Variants in PCDH15 observed in about 807,000 individuals in gnomAD.
PCDH15 encodes the protein protocadherin-15.
In PCDH15, 129 loss-of-function variants were observed where a neutral mutation model predicts 178.5. The observed-to-expected ratio is 0.72, with a 90% confidence interval of 0.63 to 0.84. The LOEUF (loss-of-function observed/expected upper bound fraction) is 0.84, where lower values mean the gene tolerates loss of function less well. PCDH15 is among the 40% of genes least tolerant of loss of function. The pLI, the probability that PCDH15 is intolerant of heterozygous loss-of-function variation, is 0.00. For missense variants in PCDH15, 2,230 were observed against 2,099.9 expected (o/e 1.06, Z -1.21); for synonymous variants, 800 against 732.0 (o/e 1.09, Z -1.50).
At chr10:55,541,204 T>C (rs901511749) in intron 2 of PCDH15, among the ~76,000 whole-genome samples, 2 of 151,960 alleles carry the variant, frequency 1.3e-5, no homozygotes, top group African/African-American at 4.8e-5. Context: ...AAAGTTTGAA[T>C]CATTCTTCAT....
chr10:54,582,027 C>A (rs564967570), intron 2 of PCDH15, among the ~76,000 whole-genome samples: 1 of 152,096 alleles, frequency 6.6e-6, no homozygotes, highest in Middle Eastern at 3.4e-3. Flanking sequence ...CAATTTATGG[C>A]TAAATCCTCA....
intron 2 of PCDH15, among the ~76,000 whole-genome samples, chr10:55,470,566 A>T (rs1839934853): frequency 1.3e-5 from 2 of 152,148 alleles, no homozygotes; most frequent in South Asian, 2.1e-4. Flanking sequence ...TAGCAATTCC[A>T]TGCAGAAGGC....
chr10:54,172,551 T>C (rs893241975), intron 13 of PCDH15, among the ~76,000 whole-genome samples: 5 of 152,190 alleles, frequency 3.3e-5, no homozygotes, highest in Non-Finnish European at 2.9e-5. Context: ...ATGAGCTCTT[T>C]TTTGGAAACA....
chr10:54,393,962 C>T (rs1950869191), intron 3 of PCDH15, among the ~76,000 whole-genome samples: 1 of 150,854 alleles, frequency 6.6e-6, no homozygotes, highest in Admixed American at 6.6e-5. Flanking sequence ...TGAAACATGG[C>T]TTAATGCATG....
At chr10:55,341,805 ATTTTTTT>A (rs869187882) in intron 2 of PCDH15, among the ~76,000 whole-genome samples, 47 of 16,032 alleles carry the variant, frequency 2.9e-3, no homozygotes, top group African/African-American at 5.4e-3. Context: ...ATATATATAT[ATTTTTTT>A]TTTTTTTTTT....
At chr10:54,450,672 G>A (rs2076428977) in intron 3 of PCDH15, among the ~76,000 whole-genome samples, 1 of 151,254 alleles carries the variant, frequency 6.6e-6, no homozygotes, top group South Asian at 2.1e-4. Flanking sequence ...CAGTTATATA[G>A]CGTTACCCAC....
intron 28 of PCDH15, among the ~76,000 whole-genome samples, chr10:53,855,285 T>G (rs1358234755): frequency 6.6e-6 from 1 of 152,014 alleles, no homozygotes; most frequent in Non-Finnish European, 1.5e-5. Context: ...TCTTACATAA[T>G]AGACAACGGA....
At chr10:54,822,835 A>G (rs972188014) in intron 3 of PCDH15, among the ~76,000 whole-genome samples, 17 of 151,998 alleles carry the variant, frequency 1.1e-4, no homozygotes, top group African/African-American at 1.7e-4. Flanking sequence ...ACTGGGATGA[A>G]AAAAATCTCA....
chr10:55,152,282 T>A (rs1171242921), intron 2 of PCDH15, among the ~76,000 whole-genome samples: 2 of 152,112 alleles, frequency 1.3e-5, no homozygotes, highest in Admixed American at 6.6e-5. Context: ...TTACCTCATG[T>A]GGATAAATAC....
chr10:53,898,641 C>T (rs1043203424), intron 26 of PCDH15, among the ~76,000 whole-genome samples: 2 of 152,094 alleles, frequency 1.3e-5, no homozygotes, highest in African/African-American at 4.8e-5. Flanking sequence ...AATTATTGAG[C>T]CAGAAATCAA....
chr10:55,321,435 T>C (rs931592640), upstream of PCDH15, among the ~76,000 whole-genome samples: 10 of 152,134 alleles, frequency 6.6e-5, no homozygotes, highest in African/African-American at 2.4e-4. Flanking sequence ...GAATATTGTA[T>C]ATTGAAGACT....
intron 15 of PCDH15, among the ~76,000 whole-genome samples, chr10:54,106,931 A>T (rs1275602424): frequency 6.6e-6 from 1 of 152,228 alleles, no homozygotes; most frequent in Non-Finnish European, 1.5e-5. Context: ...AATCCAGGTC[A>T]AGAGATCAGT....
At chr10:53,971,842 C>A (rs558983018) in intron 21 of PCDH15, among the ~76,000 whole-genome samples, 1 of 152,060 alleles carries the variant, frequency 6.6e-6, no homozygotes, top group Non-Finnish European at 1.5e-5. Context: ...AGAATCAATA[C>A]CATGAAAATG....
chr10:55,336,154 A>G (rs12771366), intron 2 of PCDH15, among the ~76,000 whole-genome samples: 2 of 129,068 alleles, frequency 1.5e-5, no homozygotes, highest in Admixed American at 8.5e-5. Context: ...AAAAAAAAAA[A>G]CAGTAGAAGT....
chr10:55,268,171 T>G (rs535308736), intron 1 of PCDH15, among the ~76,000 whole-genome samples: 10 of 152,196 alleles, frequency 6.6e-5, no homozygotes, highest in Non-Finnish European at 1.2e-4. Context: ...GTCACTTTAC[T>G]CTCACAGTTA....
intron 2 of PCDH15, among the ~76,000 whole-genome samples, chr10:55,328,688 T>C (rs1565014694): frequency 6.6e-6 from 1 of 151,422 alleles, no homozygotes; most frequent in Non-Finnish European, 1.5e-5. Flanking sequence ...ACTGAACACA[T>C]ACAATTTATT....
intron 2 of PCDH15, among the ~76,000 whole-genome samples, chr10:55,561,341 G>A (rs2132099213): frequency 6.6e-6 from 1 of 151,886 alleles, no homozygotes; most frequent in Admixed American, 6.6e-5. Context: ...AAATTAGTCT[G>A]TTTTTCTACT....
chr10:54,219,606 A>G (rs982004661), intron 9 of PCDH15, among the ~76,000 whole-genome samples: 2 of 150,422 alleles, frequency 1.3e-5, no homozygotes, highest in African/African-American at 4.9e-5. Context: ...AAAAAAAAAA[A>G]AAAAAAAAAA....
intron 2 of PCDH15, among the ~76,000 whole-genome samples, chr10:55,589,902 T>C (rs1437463489): frequency 6.7e-6 from 1 of 149,168 alleles, no homozygotes; most frequent in East Asian, 2.0e-4. Flanking sequence ...GAAGTCAGTG[T>C]GGCGATTCCT....
Sources: gnomAD v4.1 joint callset for allele counts (sites outside exome capture counted in the v4.1 genomes callset) on GRCh38, gnomAD v4.1.1 for gene constraint, MANE v1.5 for transcripts, NCBI Gene and HGNC (gene_info 2026-07-23, HGNC 2026-07-21) for gene names.